PSMC5: variants seen among roughly 807,000 people sequenced by gnomAD.
PSMC5 encodes proteasome 26S subunit, ATPase 5.
A neutral mutation model predicts 49.1 loss-of-function variants in PSMC5; 11 were observed. That is an observed-to-expected ratio of 0.22 (90% CI 0.14 to 0.37). The LOEUF is 0.37. Among genes scored for constraint, PSMC5 ranks in the 10% least tolerant of loss-of-function variants. PSMC5 has a pLI of 1.00. For synonymous variants in PSMC5, 206 were observed against 192.2 expected (o/e 1.07, Z -0.59); for missense variants, 229 against 520.9 (o/e 0.44, Z 5.45).
chr17:63,831,792 T>C lies in PSMC5; in HGVS notation c.1149T>C (p.Phe383=). ...ERRVHVTQED[F]EMAVAKVMQK... is the part of the protein sequence containing the mutation. ...GAGTCCATGTCACTCAGGAGGACTT[T>C]GAGATGGCAGTAGCCAAGGTATAGG... The change falls in exon 11 of 12, where the codon TTT becomes TTC. Residue 383 remains phenylalanine (F), a synonymous_variant. Coordinates refer to ENST00000310144, the MANE Select transcript of PSMC5 (RefSeq NM_002805.6). The surrounding 1 kb of genome is among the most constrained non-coding windows in gnomAD (Gnocchi z 6.3). 6.2e-7 allele frequency: 1 copy of C among 1,614,190 alleles called. No homozygotes were observed. The highest frequency in any genetic ancestry group is 8.5e-7 in the Non-Finnish European group (1 of 1,180,038).
rs746150132 is a variant in PSMC5, at chr17:63,831,753, C to A, written c.1110C>A (p.Ala370=). 3.1e-6 allele frequency: 5 copies of A among 1,614,112 alleles called. No individual in the cohort carries two copies. In the Admixed American group the frequency reaches 8.3e-5, roughly 27 times the overall value. Residue 370 remains alanine, a synonymous_variant, in exon 11 of 12, where the codon GCC becomes GCA. Transcript: ENST00000310144. The surrounding 1 kb of genome is among the most constrained non-coding windows in gnomAD (Gnocchi z 6.3). ...TGTGCACAGAAGCTGGCATGTATGC[C>A]CTGCGAGAACGGCGAGTCCATGTCA... is the stretch of plus-strand genomic sequence containing the variant. ...KGVCTEAGMY[A]LRERRVHVTQ...
rs1053076608 is a variant in PSMC5, at chr17:63,827,850, G to A, written c.25-288G>A. The A allele has an allele frequency of 1.2e-4, 165 of 1,431,002 alleles. No individual in the cohort carries two copies. In the African/African-American group the frequency reaches 2.2e-3, roughly 19 times the overall value. The allele number at this position is 1,431,002 out of a possible 1,614,324, so 88.6% of individuals were successfully genotyped here. On this transcript the variant is annotated intron_variant, in intron 1 of 11. Coordinates refer to ENST00000310144, the MANE Select transcript of PSMC5 (RefSeq NM_002805.6). ...TCAGTACTGACACCTCGGGCTTGTA[G>A]AGCACTTCACGCAGTGCAAAGCGCC... is the stretch of plus-strand genomic sequence containing the variant.
Position 63,828,305 on chromosome 17 carries a change from A to C in PSMC5, c.96+96A>C. 3 of 1,216,974 alleles carry C rather than the reference A, an allele frequency of 2.5e-6. No individual in the cohort carries two copies. In the Admixed American group the frequency reaches 6.4e-5, roughly 26 times the overall value. 75.4% of individuals were successfully genotyped at this position (1,216,974 alleles called of 1,614,324 possible). A position where few individuals can be genotyped will look rare whatever the true frequency, so the allele number is the denominator to read the frequency against. On this transcript the variant is annotated intron_variant, in intron 2 of 11. Coordinates refer to ENST00000310144, the MANE Select transcript of PSMC5 (RefSeq NM_002805.6). Reference sequence around the variant, plus strand: ...TCTAATTCCTTTGGGAGTGCAGTGGAAGAAGCTGCTGCTTCTCCTTTCTTG... The same window carrying C: ...TCTAATTCCTTTGGGAGTGCAGTGGCAGAAGCTGCTGCTTCTCCTTTCTTG...
At chr17:63,827,735 T>G (rs1598352771) in intron 1 of PSMC5, 1 of 1,431,088 alleles carries the variant, frequency 7.0e-7, no homozygotes, top group Non-Finnish European at 9.1e-7. Context: ...GCGGAGTGAG[T>G]GAGGGAAGCG....
intron 2 of PSMC5, chr17:63,829,187 A>C (rs1598353720): frequency 3.1e-6 from 1 of 317,790 alleles, no homozygotes; most frequent in African/African-American, 2.1e-5. Context: ...TCTTTCCACC[A>C]GGTGTTGTTG....
At position 63,830,551 on chromosome 17, in the gene PSMC5, G is replaced by A. The variant is rs374489048; in HGVS notation, c.552+50G>A. On this transcript the variant is annotated intron_variant, in intron 6 of 11. Coordinates refer to ENST00000310144, the MANE Select transcript of PSMC5 (RefSeq NM_002805.6). The surrounding 1 kb of genome is among the most constrained non-coding windows in gnomAD (Gnocchi z 4.0). Reference sequence around the variant, plus strand: ...GGGCCAAGCTGTACTTACTCCTCCTGCCCCAGCCAGCCCTACTGCAGGGGT... The same window carrying A: ...GGGCCAAGCTGTACTTACTCCTCCTACCCCAGCCAGCCCTACTGCAGGGGT... 3.1e-6 allele frequency: 5 copies of A among 1,592,416 alleles called. No homozygotes were observed. The highest frequency in any genetic ancestry group is 4.3e-6 in the Non-Finnish European group (5 of 1,170,754).
At chr17:63,828,009 C>T in intron 1 of PSMC5, 129 bp from the exon 2 acceptor site, 1 of 1,297,930 alleles carries the variant, frequency 7.7e-7, no homozygotes, top group Non-Finnish European at 1.1e-6. Flanking sequence ...AGATCCTGAG[C>T]CTCCGAAGTC....
intron 2 of PSMC5, chr17:63,829,247 C>G (rs1034643149): frequency 1.2e-5 from 5 of 420,368 alleles, no homozygotes; most frequent in African/African-American, 1.0e-4. Context: ...AACTTTTCTC[C>G]ATTAGATTCT....
rs1275268202 is a variant in PSMC5, at chr17:63,827,508, A to G, written c.18A>G (p.Pro6=). The G allele has an allele frequency of 9.0e-6, 14 of 1,551,770 alleles. No homozygotes were observed. The highest frequency in any genetic ancestry group is 1.2e-5 in the Non-Finnish European group (14 of 1,147,004). MALDG[P]EQMELEEGKA... is the part of the protein sequence containing the mutation. ...GAGAGAAGATGGCGCTTGACGGACCAGAGCAGGTATGGCGGGTGCAGTGGC... is the reference window on the plus strand; with the variant it reads ...GAGAGAAGATGGCGCTTGACGGACCGGAGCAGGTATGGCGGGTGCAGTGGC... The change falls in exon 1 of 12, where the codon CCA becomes CCG. Residue 6 remains proline (P), a synonymous_variant. Coordinates refer to ENST00000310144, the MANE Select transcript of PSMC5 (RefSeq NM_002805.6).
At chr17:63,829,603 G>C (rs1359396107) in intron 3 of PSMC5, 40 bp downstream of exon 3, 1 of 1,538,840 alleles carries the variant, frequency 6.5e-7, no homozygotes. Context: ...TGGGCAGTTT[G>C]TCTGAGGTCT....
chr17:63,827,973 T>G, intron 1 of PSMC5, 165 bp from the exon 2 acceptor site: 1 of 1,295,122 alleles, frequency 7.7e-7, no homozygotes, highest in Non-Finnish European at 1.1e-6. Flanking sequence ...AATGGAGGGT[T>G]CCAAGGGAGG....
chr17:63,828,042 G>C (rs1313949171), intron 1 of PSMC5, 96 bp from the exon 2 acceptor site: 1 of 1,455,220 alleles, frequency 6.9e-7, no homozygotes, highest in Non-Finnish European at 9.6e-7. Flanking sequence ...ACTACGCAAA[G>C]CTACCTGGTG....
chr17:63,830,826 A>G lies in PSMC5; in HGVS notation c.570A>G (p.Gly190=). Residue 190 remains glycine, a synonymous_variant, in exon 7 of 12, where the codon GGA becomes GGG. Coordinates refer to ENST00000310144, the MANE Select transcript of PSMC5 (RefSeq NM_002805.6). This position sits in a 1 kb window ranked among gnomAD's most constrained non-coding sequence, Gnocchi z 4.0. ...CCCTGTAGGGAGTGCTGCTGTATGG[A>G]CCTCCAGGCACTGGGAAGACACTGT... ...IAQPKGVLLY[G]PPGTGKTLLA... 1 of 1,613,410 alleles carries G rather than the reference A, an allele frequency of 6.2e-7. No homozygotes were observed. Among genetic ancestry groups the G allele is most frequent in the Non-Finnish European group, 8.5e-7 (1 of 1,179,924 alleles).
rs1231484066 is a variant in PSMC5, at chr17:63,829,524, C to T, written c.127C>T (p.Arg43Trp). Residue 43 changes from arginine (R) to tryptophan (W), a missense_variant, in exon 3 of 12, where the codon CGG becomes TGG. This residue lies in a region of PSMC5 where 98 missense variants were observed against 144.0 expected (regional missense o/e 0.68). Coordinates refer to ENST00000310144, the MANE Select transcript of PSMC5 (RefSeq NM_002805.6). ...TGTGAATGATAAGAGCCAAAACCTCCGGAGGCTGCAGGCACAGAGGAACGA... is the reference window on the plus strand; with the variant it reads ...TGTGAATGATAAGAGCCAAAACCTCTGGAGGCTGCAGGCACAGAGGAACGA... Reference protein sequence around the residue: ...LIVNDKSQNLRRLQAQRNELN... With the variant: ...LIVNDKSQNLWRLQAQRNELN... 3.9e-6 allele frequency: 6 copies of T among 1,555,774 alleles called. No homozygotes were observed. Among genetic ancestry groups the T allele is most frequent in the African/African-American group, 1.4e-5 (1 of 73,152 alleles).
chr17:63,827,726 C>T, intron 1 of PSMC5: 1 of 1,435,468 alleles, frequency 7.0e-7, no homozygotes, highest in Non-Finnish European at 9.1e-7. Flanking sequence ...GCGGTAGAAG[C>T]GGAGTGAGTG....
chr17:63,831,840 A>G lies in PSMC5; in HGVS notation c.1167+30A>G. The G allele has an allele frequency of 6.2e-7, 1 of 1,613,530 alleles. No homozygotes were observed. The highest frequency in any genetic ancestry group is 8.5e-7 in the Non-Finnish European group (1 of 1,179,462). ...AGGCCTCCATCTTTGTGCCTTTGCC[A>G]GTGGTGGCTCTGGGGCAGTGGGCTA... On this transcript the variant is annotated intron_variant, in intron 11 of 11. Coordinates refer to ENST00000310144, the MANE Select transcript of PSMC5 (RefSeq NM_002805.6). The surrounding 1 kb of genome is among the most constrained non-coding windows in gnomAD (Gnocchi z 6.3).
rs369417715 is a variant in PSMC5 at position 63,830,105 on chromosome 17, G to A, written c.265-28G>A. 24 of 1,608,876 alleles carry A rather than the reference G, an allele frequency of 1.5e-5. No homozygotes were observed. In the East Asian group the frequency reaches 2.2e-4, roughly 15 times the overall value. On this transcript the variant is annotated intron_variant, in intron 4 of 11. Coordinates refer to ENST00000310144, the MANE Select transcript of PSMC5 (RefSeq NM_002805.6). The surrounding 1 kb of genome is among the most constrained non-coding windows in gnomAD (Gnocchi z 4.0). ...GGATTAGTGATTTGGTGGCTGTCAA[G>A]GAAGGTCATGAGCCCTTGTTTCTTT...
At chr17:63,829,470 G>A (rs1214117165) in intron 2 of PSMC5, 24 bp from the exon 3 acceptor site, 1 of 1,550,992 alleles carries the variant, frequency 6.4e-7, no homozygotes, top group Middle Eastern at 1.7e-4. Flanking sequence ...TTGAATAATG[G>A]AATTTGTCTC....
chr17:63,828,313 G>A (rs2040137577), intron 2 of PSMC5, 104 bp downstream of exon 2: 4 of 1,130,372 alleles, frequency 3.5e-6, no homozygotes, highest in African/African-American at 1.5e-5. Flanking sequence ...GGAAGAAGCT[G>A]CTGCTTCTCC....
Sources: gnomAD v4.1 joint callset for allele counts on GRCh38, gnomAD v4.1.1 for gene constraint, gnomAD v4.1.1 regional missense constraint, Gnocchi (gnomAD v3.1) non-coding constraint, MANE v1.5 for transcripts, NCBI Gene and HGNC (gene_info 2026-07-23, HGNC 2026-07-21) for gene names.